Variants in USH2A observed in about 807,000 individuals in gnomAD.
USH2A encodes the protein Usher syndrome 2A (autosomal recessive, mild).
Under a neutral mutation model 538.9 loss-of-function variants are expected in USH2A, and 443 were observed. The ratio of observed to expected loss-of-function variants is 0.82; its 90% CI spans 0.76 to 0.89. The LOEUF (loss-of-function observed/expected upper bound fraction) is 0.89. Among genes scored for constraint, USH2A ranks in the 40% least tolerant of loss-of-function variants. The probability of loss-of-function intolerance (pLI) is 0.00; values close to 1 mark genes in which losing one functional copy is unlikely to be tolerated. For missense variants in USH2A, 6,633 were observed against 6,324.8 expected (o/e 1.05, Z -1.65); for synonymous variants, 2,413 against 2,273.5 (o/e 1.06, Z -1.75).
chr1:216,380,081 A>G (rs879024285), intron 3 of USH2A, among the ~76,000 whole-genome samples: 1 of 152,190 alleles, frequency 6.6e-6, no homozygotes, highest in Non-Finnish European at 1.5e-5. Flanking sequence ...ATTTAGTTTT[A>G]TTTCACCTTT....
intron 58 of USH2A, among the ~76,000 whole-genome samples, chr1:215,749,247 T>C (rs1160554538): frequency 2.6e-5 from 4 of 152,212 alleles, no homozygotes; most frequent in Admixed American, 1.3e-4. Flanking sequence ...GTAACTTCTG[T>C]TATAAAAAGG....
At chr1:215,905,092 C>T (rs1665603556) in intron 38 of USH2A, among the ~76,000 whole-genome samples, 1 of 152,010 alleles carries the variant, frequency 6.6e-6, no homozygotes, top group South Asian at 2.1e-4. Context: ...TTACACATGT[C>T]CTAAACCTTT....
At chr1:215,725,369 T>G (rs1659780049) in intron 61 of USH2A, among the ~76,000 whole-genome samples, 1 of 152,118 alleles carries the variant, frequency 6.6e-6, no homozygotes, top group African/African-American at 2.4e-5. Flanking sequence ...TGGGAATAAG[T>G]GAAACACAAA....
At chr1:215,872,506 G>T (rs1221766822) in intron 43 of USH2A, among the ~76,000 whole-genome samples, 1 of 152,002 alleles carries the variant, frequency 6.6e-6, no homozygotes, top group African/African-American at 2.4e-5. Flanking sequence ...TTCCATCTTT[G>T]TTCTACTTTG....
At chr1:215,930,403 GA>G (rs550396707) in intron 38 of USH2A, among the ~76,000 whole-genome samples, 44 of 150,382 alleles carry the variant, frequency 2.9e-4, no homozygotes, top group Admixed American at 7.3e-4. Flanking sequence ...AGTTCATCTG[GA>G]AAAAAAAAGG....
chr1:215,782,921 G>C lies in USH2A; in HGVS notation c.10402C>G (p.Pro3468Ala). ...ATCCTGTACTCATATGTCATGTAGG[G>C]CTTGAGGTTCACATCTGGAAAGAGA... ...TYSYTDVNLK[P>A]YMTYEYRISA... is the part of the protein sequence containing the mutation. Residue 3468 changes from proline to alanine, a missense_variant, in exon 53 of 72, where the codon CCC (proline) becomes GCC (alanine). Physicochemically the swap from Pro to Ala is conservative, Grantham distance 27 (BLOSUM62 -1). Coordinates refer to ENST00000307340, the MANE Select transcript of USH2A (RefSeq NM_206933.4). The C allele has an allele frequency of 6.2e-7, 1 of 1,613,444 alleles. No homozygotes were observed.
chr1:215,779,776 T>C, intron 55 of USH2A, 67 bp downstream of exon 55: 1 of 1,581,442 alleles, frequency 6.3e-7, no homozygotes, highest in Non-Finnish European at 8.6e-7. Flanking sequence ...ACCCCTGGGA[T>C]GCTTTGCCCC....
intron 32 of USH2A, among the ~76,000 whole-genome samples, chr1:216,005,596 T>C (rs1668373236): frequency 6.6e-6 from 1 of 152,094 alleles, no homozygotes; most frequent in Non-Finnish European, 1.5e-5. Context: ...AATATAGTAA[T>C]GTCTAAACAT....
intron 47 of USH2A, among the ~76,000 whole-genome samples, chr1:215,828,249 A>G (rs1156974694): frequency 1.3e-5 from 2 of 152,058 alleles, no homozygotes; most frequent in African/African-American, 4.8e-5. Context: ...CAGGAGTTCG[A>G]AAGACCAGCC....
intron 58 of USH2A, among the ~76,000 whole-genome samples, chr1:215,745,892 T>G (rs905399981): frequency 2.2e-4 from 34 of 152,154 alleles, no homozygotes; most frequent in African/African-American, 8.2e-4. Context: ...AAACAAATGA[T>G]GGATAAGTAA....
At chr1:216,158,240 A>G (rs2033988378) in intron 21 of USH2A, among the ~76,000 whole-genome samples, 1 of 152,022 alleles carries the variant, frequency 6.6e-6, no homozygotes, top group Admixed American at 6.6e-5. Flanking sequence ...TGTATGTATT[A>G]TTATTATTTT....
intron 3 of USH2A, among the ~76,000 whole-genome samples, chr1:216,392,737 C>T (rs2039133449): frequency 6.6e-6 from 1 of 151,962 alleles, no homozygotes; most frequent in Admixed American, 6.6e-5. Flanking sequence ...ATAATATGCA[C>T]ATAAAAGCTG....
intron 21 of USH2A, among the ~76,000 whole-genome samples, chr1:216,138,815 A>G (rs2033539841): frequency 6.6e-6 from 1 of 152,172 alleles, no homozygotes; most frequent in African/African-American, 2.4e-5. Context: ...GCAATGGCAA[A>G]GAATAAAACA....
At chr1:215,918,038 G>A (rs1323558312) in intron 38 of USH2A, among the ~76,000 whole-genome samples, 1 of 151,772 alleles carries the variant, frequency 6.6e-6, no homozygotes, top group Admixed American at 6.6e-5. Context: ...CTTCCTCTAT[G>A]GTGCCATTGA....
At chr1:216,147,108 C>T (rs2033721928) in intron 21 of USH2A, among the ~76,000 whole-genome samples, 1 of 152,018 alleles carries the variant, frequency 6.6e-6, no homozygotes, top group Admixed American at 6.5e-5. Context: ...TTAAACTCAT[C>T]CCAAATCTTC....
chr1:215,709,645 TAAAAAAAAAAA>T (rs5780846), intron 61 of USH2A, among the ~76,000 whole-genome samples: 1 of 127,036 alleles, frequency 7.9e-6, no homozygotes, highest in African/African-American at 3.0e-5. Flanking sequence ...AGATAATTTG[TAAAAAAAAAAA>T]AAAAAAAAAA....
At chr1:215,972,975 T>C (rs1049848550) in intron 35 of USH2A, among the ~76,000 whole-genome samples, 3 of 151,972 alleles carry the variant, frequency 2.0e-5, no homozygotes, top group African/African-American at 7.3e-5. Flanking sequence ...CTACCTATAA[T>C]ACATAGAAAA....
intron 38 of USH2A, among the ~76,000 whole-genome samples, chr1:215,912,476 C>CGTATATATATATATATATATATAT (rs1665819383): frequency 9.2e-5 from 1 of 10,892 alleles, no homozygotes; most frequent in African/African-American, 2.7e-4. Flanking sequence ...TATATATATA[C>CGTATATATATATATATATATATAT]GTATATATAT....
At chr1:215,976,366 A>T (rs1411293307) in intron 35 of USH2A, among the ~76,000 whole-genome samples, 1 of 152,118 alleles carries the variant, frequency 6.6e-6, no homozygotes, top group Non-Finnish European at 1.5e-5. Flanking sequence ...GAGTGGTGAG[A>T]GTGGGCATTC....
Sources: gnomAD v4.1 joint callset for allele counts (sites outside exome capture counted in the v4.1 genomes callset) on GRCh38, gnomAD v4.1.1 for gene constraint, MANE v1.5 for transcripts, NCBI Gene and HGNC (gene_info 2026-07-23, HGNC 2026-07-21) for gene names.